RALGDS: variants seen among roughly 807,000 people sequenced by gnomAD.
The protein encoded by RALGDS is ral guanine nucleotide dissociation stimulator.
In RALGDS, 44 loss-of-function variants were observed where a neutral mutation model predicts 99.8. That is an observed-to-expected ratio of 0.44 (90% CI 0.35 to 0.57). The LOEUF (loss-of-function observed/expected upper bound fraction) is 0.57. RALGDS is among the 20% of genes least tolerant of loss of function. The pLI, the probability that RALGDS is intolerant of heterozygous loss-of-function variation, is 0.01. For synonymous variants in RALGDS, 529 were observed against 505.0 expected, an observed-to-expected ratio of 1.05 and a Z score of -0.64; for missense variants, 1,022 against 1,203.1, an observed-to-expected ratio of 0.85 and a Z score of 2.23.
intron 7 of RALGDS, 127 bp from the exon 8 acceptor site, chr9:133,106,875 C>G: frequency 1.1e-6 from 1 of 930,456 alleles, no homozygotes. Flanking sequence ...GAGGGCACGC[C>G]TGCGACCCGG....
In RALGDS at chr9:133,110,380, C is replaced by T; in HGVS notation, c.404G>A (p.Ser135Asn). The change falls in exon 3 of 18, where the codon AGC becomes AAC. Residue 135 changes from serine to asparagine, a missense_variant. Ser to Asn is a conservative substitution (Grantham distance 46, BLOSUM62 1). Transcript: ENST00000372050. ...GAAGATGGTGACGTAGGAGAGGTCG[C>T]TGCCCTGGAAGGCTGGCACCAGGTG... ...VEHLVPAFQG[S>N]DLSYVTIFLC... The T allele has an allele frequency of 6.2e-7, 1 of 1,613,702 alleles. No individual in the cohort carries two copies. The highest frequency in any genetic ancestry group is 2.2e-5 in the East Asian group (1 of 44,878).
At chr9:133,115,305 G>A (rs1831544400) in intron 1 of RALGDS, among the ~76,000 whole-genome samples, 1 of 152,226 alleles carries the variant, frequency 6.6e-6, no homozygotes, top group Non-Finnish European at 1.5e-5. Flanking sequence ...AGGAGACCTG[G>A]CTGAGGGCTG....
chr9:133,113,082 G>A (rs1831428616), intron 1 of RALGDS, among the ~76,000 whole-genome samples: 1 of 152,196 alleles, frequency 6.6e-6, no homozygotes, highest in African/African-American at 2.4e-5. Flanking sequence ...CGGCCTCACA[G>A]CCCCCTATGC....
rs1830763090 is a variant in RALGDS, at chr9:133,101,677, GTGGAGGCTGAGGAGGACGAGGTGCTGC to G, written c.2270_2296del (p.Ser757_Ser765del). The stretch of plus-strand genomic sequence containing the variant: ...GGTGCGTGTGGCAGCCACGGGCGTG[GTGGAGGCTGAGGAGGACGAGGTGCTGC>G]TGGAGGCTGAGCTGATGCCGGAGGT... On this transcript the variant is annotated inframe_deletion, in exon 16 of 18. Transcript: ENST00000372050. 3.1e-6 allele frequency: 5 copies of G among 1,613,970 alleles called. No individual in the cohort carries two copies. Among genetic ancestry groups the G allele is most frequent in the Middle Eastern group, 1.6e-4 (1 of 6,062 alleles).
Position 133,127,277 on chromosome 9 carries a change from C to T in RALGDS, c.132+3675G>A, listed in dbSNP as rs376449830. Among the ~76,000 whole-genome samples the T allele has an allele frequency of 3.3e-5, 5 of 152,200 alleles. No homozygotes were observed. The East Asian group carries it at 7.7e-4, about 23-fold the overall frequency. ...CTGCCGGACACACAGCAGTTCAGAGCGGGAACTGGGCACAGGGCAGTGACT... is the reference window on the plus strand; with the variant it reads ...CTGCCGGACACACAGCAGTTCAGAGTGGGAACTGGGCACAGGGCAGTGACT... On this transcript the variant is annotated intron_variant, in intron 1 of 17. Transcript: ENST00000372062.
chr9:133,126,962 G>A (rs1026675842), intron 1 of RALGDS, among the ~76,000 whole-genome samples: 4 of 152,150 alleles, frequency 2.6e-5, no homozygotes, highest in African/African-American at 7.2e-5. Flanking sequence ...TCTTGATCCC[G>A]CAAAGCCCCC....
chr9:133,110,519 T>G (rs200217503), intron 2 of RALGDS, 30 bp from the exon 3 acceptor site: 58 of 1,573,226 alleles, frequency 3.7e-5, no homozygotes, highest in Non-Finnish European at 4.9e-5. Flanking sequence ...GGACAGACAG[T>G]CAGTGGCAGC....
chr9:133,107,836 G>T, intron 6 of RALGDS, 152 bp downstream of exon 6: 1 of 947,288 alleles, frequency 1.1e-6, no homozygotes, highest in Non-Finnish European at 1.6e-6. Flanking sequence ...CTGAGGACTT[G>T]GGGTTAAGGA....
chr9:133,143,636 G>A (rs938447403), intron 1 of RALGDS, among the ~76,000 whole-genome samples: 5 of 151,494 alleles, frequency 3.3e-5, no homozygotes, highest in African/African-American at 7.3e-5. Flanking sequence ...TGCACCTGCC[G>A]CCCCAGCTAC....
At chr9:133,133,061 G>A (rs1270792886), upstream of RALGDS, among the ~76,000 whole-genome samples, 1 of 152,176 alleles carries the variant, frequency 6.6e-6, no homozygotes, top group African/African-American at 2.4e-5. Flanking sequence ...CGGGTACCAG[G>A]CCCTCTGCAG....
rs543170560 is a variant in RALGDS at position 133,101,253 on chromosome 9, G to A, written c.2454+267C>T. On this transcript the variant is annotated intron_variant, in intron 16 of 17. Coordinates refer to ENST00000372050, the MANE Select transcript of RALGDS (RefSeq NM_006266.4). ...CAGGGCTCAGGGCCTATGTGGCCAG[G>A]CCCTGGATACTTCCCTGACCTCACC... 16 of 1,341,298 alleles carry A rather than the reference G, an allele frequency of 1.2e-5. No individual in the cohort carries two copies. The Admixed American group carries it at 1.7e-4, about 14-fold the overall frequency. The allele number at this position is 1,341,298 out of a possible 1,614,324, so 83.1% of individuals were successfully genotyped here. A position where few individuals can be genotyped will look rare whatever the true frequency, so the allele number is the denominator to read the frequency against.
Position 133,109,773 on chromosome 9 carries a change from C to A in RALGDS, c.489-52G>T, listed in dbSNP as rs371875462. On this transcript the variant is annotated intron_variant, in intron 3 of 17. Transcript: ENST00000372050. ...CTGACTCTCCGACTAGAACGGAGGC[C>A]CAGGAGGGCAGGGATTTTTTTTTTT... is the stretch of plus-strand genomic sequence containing the variant. 222 of 1,507,028 alleles carry A rather than the reference C, an allele frequency of 1.5e-4. 1 individual carries two copies. The highest frequency in any genetic ancestry group is 3.5e-4 in the South Asian group (31 of 88,436). The allele number at this position is 1,507,028 out of a possible 1,614,324, so 93.4% of individuals were successfully genotyped here. A position where few individuals can be genotyped will look rare whatever the true frequency, so the allele number is the denominator to read the frequency against.
intron 2 of RALGDS, 128 bp downstream of exon 2, chr9:133,111,914 G>T: frequency 1.4e-6 from 1 of 739,944 alleles, no homozygotes; most frequent in Non-Finnish European, 2.4e-6. Context: ...AGCCTGGGCT[G>T]GACAGTGGGG....
At chr9:133,114,014 T>G (rs1831475631) in intron 1 of RALGDS, among the ~76,000 whole-genome samples, 1 of 152,188 alleles carries the variant, frequency 6.6e-6, no homozygotes, top group African/African-American at 2.4e-5. Context: ...CAGGAGGGGC[T>G]GAAGCCAGGT....
chr9:133,124,425 G>A (rs1199543216), upstream of RALGDS, among the ~76,000 whole-genome samples: 1 of 152,182 alleles, frequency 6.6e-6, no homozygotes, highest in Non-Finnish European at 1.5e-5. Flanking sequence ...GCTCATGCCT[G>A]TAACCCAGAG....
chr9:133,105,469 G>GCATCCCCTGCAGCTCCTGT (rs1352026335), intron 9 of RALGDS, among the ~76,000 whole-genome samples: 1 of 152,130 alleles, frequency 6.6e-6, no homozygotes, highest in East Asian at 1.9e-4. Context: ...CTGGCCCCTG[G>GCATCCCCTGCAGCTCCTGT]CATCCCCTGC....
chr9:133,112,602 G>A (rs1010076710), intron 1 of RALGDS, among the ~76,000 whole-genome samples: 11 of 152,150 alleles, frequency 7.2e-5, no homozygotes, highest in African/African-American at 2.4e-4. Flanking sequence ...AGGCGGCTAT[G>A]CCCCAAGAGA....
intron 1 of RALGDS, among the ~76,000 whole-genome samples, chr9:133,138,878 A>ACCTGCCTCGACT (rs1832468672): frequency 6.6e-6 from 1 of 152,018 alleles, no homozygotes; most frequent in Admixed American, 6.6e-5. Flanking sequence ...CAGGTGATCC[A>ACCTGCCTCGACT]CCTGCCTCGA....
At chr9:133,112,880 G>A (rs1206003539) in intron 1 of RALGDS, among the ~76,000 whole-genome samples, 1 of 152,194 alleles carries the variant, frequency 6.6e-6, no homozygotes, top group African/African-American at 2.4e-5. Context: ...ATCACGTGAG[G>A]GGACGGGTGT....
Sources: gnomAD v4.1 joint callset for allele counts (sites outside exome capture counted in the v4.1 genomes callset) on GRCh38, gnomAD v4.1.1 for gene constraint, MANE v1.5 for transcripts, NCBI Gene and HGNC (gene_info 2026-07-23, HGNC 2026-07-21) for gene names.